The following PMM2 variants were observed in gnomAD, a reference collection of about 807,000 sequenced individuals.
PMM2 encodes the protein phosphomannomutase 2, also known as mannose-6-phosphate isomerase.
In PMM2, 35 loss-of-function variants were observed where a neutral mutation model predicts 33.2. The ratio of observed to expected loss-of-function variants is 1.06; its 90% CI spans 0.81 to 1.40. The LOEUF (loss-of-function observed/expected upper bound fraction) is 1.40. PMM2 is among the 40% of genes most tolerant of loss of function. The pLI is 0.00. For synonymous variants in PMM2, 153 were observed against 114.7 expected (o/e 1.33, Z -2.13); for missense variants, 386 against 306.0 (o/e 1.26, Z -1.95).
chr16:8,834,207 G>A (rs568566126), intron 7 of PMM2, among the ~76,000 whole-genome samples: 2 of 152,316 alleles, frequency 1.3e-5, no homozygotes, highest in South Asian at 4.1e-4. Context: ...TTTTTAAGTT[G>A]GAGGCTGAGC....
intron 7 of PMM2, among the ~76,000 whole-genome samples, chr16:8,844,494 G>T (rs1036061562): frequency 6.6e-6 from 1 of 152,042 alleles, no homozygotes; most frequent in African/African-American, 2.4e-5. Context: ...GGGGGTTCTT[G>T]CCCCTGCCCC....
chr16:8,818,153 C>T (rs1174899402), intron 7 of PMM2, among the ~76,000 whole-genome samples: 3 of 152,190 alleles, frequency 2.0e-5, no homozygotes, highest in Non-Finnish European at 4.4e-5. Flanking sequence ...CCGTCCGCCT[C>T]GGCCTCCCAA....
At chr16:8,820,679 A>G (rs953938450) in intron 7 of PMM2, among the ~76,000 whole-genome samples, 3 of 152,124 alleles carry the variant, frequency 2.0e-5, no homozygotes, top group Non-Finnish European at 2.9e-5. Context: ...AAGGAGTCAT[A>G]TGAGAATGAA....
intron 7 of PMM2, among the ~76,000 whole-genome samples, chr16:8,820,725 C>T (rs933817921): frequency 6.6e-6 from 1 of 152,318 alleles, no homozygotes; most frequent in African/African-American, 2.4e-5. Context: ...GACGCAGGGC[C>T]TGACTCAGGA....
At chr16:8,827,797 TAC>T (rs1478919950) in intron 7 of PMM2, among the ~76,000 whole-genome samples, 1,405 of 74,892 alleles carry the variant, frequency 0.019, 57 homozygotes, top group African/African-American at 0.066. Context: ...TATATATTTA[TAC>T]ATATTTATAT....
Position 8,797,953 on chromosome 16 carries a change from G to A in PMM2, c.66+5G>A, listed in dbSNP as rs375808631. The A allele has an allele frequency of 1.1e-4, 175 of 1,598,550 alleles. No individual in the cohort carries two copies. Among genetic ancestry groups the A allele is most frequent in the Non-Finnish European group, 1.4e-4 (160 of 1,173,548 alleles). On this transcript the variant is annotated splice_donor_5th_base_variant and intron_variant, in intron 1 of 7. Coordinates refer to ENST00000268261, the MANE Select transcript of PMM2 (RefSeq NM_000303.3). ...ACCCTCACCGCCCCGCGGCAGGTAA[G>A]TGGCGGCCGGCGGGCTGCTGGCAGC...
chr16:8,847,873 C>A lies in PMM2; in HGVS notation c.*48C>A. 7.0e-7 allele frequency: 1 copy of A among 1,424,982 alleles called. No individual in the cohort carries two copies. The highest frequency in any genetic ancestry group is 9.9e-7 in the Non-Finnish European group (1 of 1,014,366). 88.3% of individuals were successfully genotyped at this position (1,424,982 alleles called of 1,614,324 possible). A position where few individuals can be genotyped will look rare whatever the true frequency, so the allele number is the denominator to read the frequency against. ...TCCCGGCTGACAAGCCAGCATAGGG[C>A]ATTCGGTGGCCAGAGCCGAGGGTCC... On this transcript the variant is annotated 3_prime_UTR_variant, in exon 8 of 8. Coordinates refer to ENST00000268261, the MANE Select transcript of PMM2 (RefSeq NM_000303.3).
At chr16:8,829,092 C>G (rs1179848952) in intron 7 of PMM2, 1 of 152,340 alleles carries the variant, frequency 6.6e-6, no homozygotes, top group Non-Finnish European at 1.5e-5. Context: ...ATTTTCCTGC[C>G]TCAGCCTCCA....
chr16:8,834,034 A>G lies in PMM2; in HGVS notation c.640-13690A>G, dbSNP rs147123531. 1.3e-3 allele frequency among the ~76,000 whole-genome samples: 197 copies of G among 152,026 alleles called. 5 individuals are homozygous for G. The highest frequency in any genetic ancestry group is 4.5e-3 in the African/African-American group (186 of 41,328). ...TAGACAGGAGATAGTAGGGATGACA[A>G]GTTTTGGGGGGCACAGTCTAAGTTG... is the stretch of plus-strand genomic sequence containing the variant. On this transcript the variant is annotated intron_variant, in intron 7 of 7. Transcript: ENST00000268261.
At chr16:8,814,059 G>T (rs1267353224) in intron 7 of PMM2, among the ~76,000 whole-genome samples, 1 of 151,812 alleles carries the variant, frequency 6.6e-6, no homozygotes, top group Non-Finnish European at 1.5e-5. Context: ...TAGAGATAGG[G>T]TTTTACCATG....
In PMM2 at chr16:8,813,050, CAT is replaced by C. The variant is rs2060686496; in HGVS notation, c.584_585del (p.His195ArgfsTer4). On this transcript the variant is annotated frameshift_variant, in exon 7 of 8. Transcript: ENST00000268261. LOFTEE classifies it high-confidence loss of function. ...DGWDKRYCLR[H>X]VENDGYKTIY... Reference sequence around the variant, plus strand: ...ATGGGACAAGAGATACTGTCTGCGACATGTGGAAAATGACGGTTATAAGACCA... The same window carrying C: ...ATGGGACAAGAGATACTGTCTGCGACGTGGAAAATGACGGTTATAAGACCA... 2 of 1,613,638 alleles carry C rather than the reference CAT, an allele frequency of 1.2e-6. No individual in the cohort carries two copies. Among genetic ancestry groups the C allele is most frequent in the Non-Finnish European group, 1.7e-6 (2 of 1,179,518 alleles).
chr16:8,841,788 A>T lies in PMM2; in HGVS notation c.640-5936A>T, dbSNP rs1017336915. Among the ~76,000 whole-genome samples the T allele has an allele frequency of 2.3e-4, 26 of 113,112 alleles. 2 individuals carry two copies. Among genetic ancestry groups the T allele is most frequent in the African/African-American group, 8.1e-4 (26 of 32,024 alleles). The allele number at this position is 113,112 out of a possible 152,430, so 74.2% of individuals were successfully genotyped here. A position where few individuals can be genotyped will look rare whatever the true frequency, so the allele number is the denominator to read the frequency against. Reference sequence around the variant, plus strand: ...AGTCATGGGGGTCAGGTGTGGTATCAGGAATAATGTGGGAGGCCAGATTGA... The same window carrying T: ...AGTCATGGGGGTCAGGTGTGGTATCTGGAATAATGTGGGAGGCCAGATTGA... On this transcript the variant is annotated intron_variant, in intron 7 of 7. Coordinates refer to ENST00000268261, the MANE Select transcript of PMM2 (RefSeq NM_000303.3).
In PMM2 at chr16:8,804,863, A is replaced by G; in HGVS notation, c.255+20A>G. On this transcript the variant is annotated intron_variant, in intron 3 of 7. Coordinates refer to ENST00000268261, the MANE Select transcript of PMM2 (RefSeq NM_000303.3). ...AGACAGGTAGGTTCTTGAGTATCTGAATTACTATATACTATTAAAAGTGTT... is the reference window on the plus strand; with the variant it reads ...AGACAGGTAGGTTCTTGAGTATCTGGATTACTATATACTATTAAAAGTGTT... 1 of 1,454,350 alleles carries G rather than the reference A, an allele frequency of 6.9e-7. No homozygotes were observed. The allele number at this position is 1,454,350 out of a possible 1,614,324, so 90.1% of individuals were successfully genotyped here.
At chr16:8,838,403 C>G (rs1596503685) in intron 7 of PMM2, among the ~76,000 whole-genome samples, 1 of 151,942 alleles carries the variant, frequency 6.6e-6, no homozygotes, top group East Asian at 1.9e-4. Flanking sequence ...GCCTGACATT[C>G]CTGCCTTCTT....
intron 4 of PMM2, chr16:8,808,456 C>G (rs1478216530): frequency 6.6e-6 from 1 of 152,012 alleles, no homozygotes; most frequent in Non-Finnish European, 1.5e-5. Context: ...AATTCCAGAA[C>G]AGTAGAAGAG....
chr16:8,840,727 T>C (rs2060884264), intron 7 of PMM2, among the ~76,000 whole-genome samples: 1 of 151,918 alleles, frequency 6.6e-6, no homozygotes, highest in South Asian at 2.1e-4. Context: ...ACGGTGAGCC[T>C]AGTGGGGAGG....
intron 4 of PMM2, chr16:8,808,018 CACTT>C (rs2060656577): frequency 6.6e-6 from 1 of 152,172 alleles, no homozygotes; most frequent in Non-Finnish European, 1.5e-5. Flanking sequence ...CAGTTTTCAA[CACTT>C]ACTATGTAAC....
At chr16:8,841,071 G>A (rs1349581462) in intron 7 of PMM2, among the ~76,000 whole-genome samples, 3 of 152,026 alleles carry the variant, frequency 2.0e-5, no homozygotes, top group Admixed American at 6.6e-5. Context: ...AGAAGAGCAA[G>A]AAGTAAAAGT....
At chr16:8,800,723 AC>A (rs2060611057) in intron 1 of PMM2, among the ~76,000 whole-genome samples, 1 of 144,880 alleles carries the variant, frequency 6.9e-6, no homozygotes, top group South Asian at 2.1e-4. Context: ...TCGCTCTGTG[AC>A]CCAGGCTGGA....
Sources: gnomAD v4.1 joint callset for allele counts (sites outside exome capture counted in the v4.1 genomes callset) on GRCh38, gnomAD v4.1.1 for gene constraint, MANE v1.5 for transcripts, NCBI Gene and HGNC (gene_info 2026-07-23, HGNC 2026-07-21) for gene names.